Variants in XRCC4 observed in about 807,000 individuals in gnomAD.
XRCC4 encodes the protein X-ray repair cross complementing 4.
Under a neutral mutation model 39.1 loss-of-function variants are expected in XRCC4, and 28 were observed. The ratio of observed to expected loss-of-function variants is 0.72; its 90% CI spans 0.53 to 0.98. The LOEUF (loss-of-function observed/expected upper bound fraction) is 0.98. Among genes scored for constraint, XRCC4 ranks in the 50% least tolerant of loss-of-function variants. The probability of loss-of-function intolerance (pLI) is 0.00; values close to 1 mark genes in which losing one functional copy is unlikely to be tolerated. For synonymous variants in XRCC4, 123 were observed against 126.4 expected (o/e 0.97, Z 0.18); for missense variants, 350 against 376.4 (o/e 0.93, Z 0.58).
At chr5:83,301,471 T>C (rs1166856401) in intron 7 of XRCC4, among the ~76,000 whole-genome samples, 1 of 152,244 alleles carries the variant, frequency 6.6e-6, no homozygotes, top group Non-Finnish European at 1.5e-5. Flanking sequence ...ATTCTGGATA[T>C]CAGACCTTTG....
chr5:83,134,800 G>A (rs148802527), intron 3 of XRCC4, among the ~76,000 whole-genome samples: 2,396 of 152,164 alleles, frequency 0.016, 61 homozygotes, highest in African/African-American at 0.053. Flanking sequence ...CACTCACTGC[G>A]AAGTTCTGCA....
At chr5:83,352,271 G>A (rs977572854) in intron 7 of XRCC4, among the ~76,000 whole-genome samples, 1 of 152,072 alleles carries the variant, frequency 6.6e-6, no homozygotes, top group Admixed American at 6.6e-5. Flanking sequence ...AGTATTACTG[G>A]GTTAGCTCAA....
intron 3 of XRCC4, among the ~76,000 whole-genome samples, chr5:83,165,782 T>TG (rs1749437678): frequency 6.6e-6 from 1 of 152,176 alleles, no homozygotes; most frequent in African/African-American, 2.4e-5. Flanking sequence ...TTATGGCCTC[T>TG]GCTTCCATCC....
At chr5:83,256,297 C>T (rs1043447501) in intron 6 of XRCC4, among the ~76,000 whole-genome samples, 4 of 152,132 alleles carry the variant, frequency 2.6e-5, no homozygotes, top group African/African-American at 9.7e-5. Flanking sequence ...AAGTTGCAGA[C>T]ATTATAATAC....
intron 3 of XRCC4, among the ~76,000 whole-genome samples, chr5:83,122,491 C>A (rs1325533045): frequency 6.6e-6 from 1 of 152,128 alleles, no homozygotes; most frequent in African/African-American, 2.4e-5. Flanking sequence ...CAAAAATTAT[C>A]TGATCCAGAA....
intron 1 of XRCC4, among the ~76,000 whole-genome samples, chr5:83,086,160 G>T (rs1206996720): frequency 6.6e-6 from 1 of 152,126 alleles, no homozygotes; most frequent in East Asian, 1.9e-4. Context: ...TCATAATATT[G>T]TATGAGTTCT....
At chr5:83,318,306 G>GC (rs1313108925) in intron 7 of XRCC4, among the ~76,000 whole-genome samples, 2 of 130,342 alleles carry the variant, frequency 1.5e-5, no homozygotes, top group African/African-American at 7.2e-5. Context: ...AGACAGGGAT[G>GC]CCCTCTCTCA....
At chr5:83,340,120 C>T (rs138815351) in intron 7 of XRCC4, among the ~76,000 whole-genome samples, 271 of 152,316 alleles carry the variant, frequency 1.8e-3, no homozygotes, top group African/African-American at 6.2e-3. Flanking sequence ...GCAGATCCCT[C>T]TTCCAACCAG....
At chr5:83,274,728 A>C (rs1174774878) in intron 7 of XRCC4, among the ~76,000 whole-genome samples, 1 of 152,218 alleles carries the variant, frequency 6.6e-6, no homozygotes, top group South Asian at 2.1e-4. Flanking sequence ...AAAGGCCCTC[A>C]GGTGAGCAAA....
the XRCC4 span, among the ~76,000 whole-genome samples, chr5:83,371,598 A>G: frequency 6.6e-6 from 1 of 152,186 alleles, no homozygotes; most frequent in Non-Finnish European, 1.5e-5. Flanking sequence ...ATGGTCTATG[A>G]CCACAGCAGG....
intron 7 of XRCC4, among the ~76,000 whole-genome samples, chr5:83,340,635 A>G (rs182225821): frequency 1.8e-3 from 272 of 152,008 alleles, no homozygotes; most frequent in African/African-American, 6.2e-3. Flanking sequence ...AAAAAACAAC[A>G]AAACAGAAAC....
chr5:83,301,609 T>C (rs1204925284), intron 7 of XRCC4, among the ~76,000 whole-genome samples: 1 of 152,236 alleles, frequency 6.6e-6, no homozygotes, highest in East Asian at 1.9e-4. Context: ...TTGGCTTTTG[T>C]TGCAATTGCT....
intron 1 of XRCC4, among the ~76,000 whole-genome samples, chr5:83,098,551 A>G (rs2112346442): frequency 6.6e-6 from 1 of 152,264 alleles, no homozygotes; most frequent in African/African-American, 2.4e-5. Flanking sequence ...ATGTTTAGAA[A>G]AAAATCTAAC....
intron 6 of XRCC4, among the ~76,000 whole-genome samples, chr5:83,254,330 A>T (rs1372724070): frequency 6.6e-6 from 1 of 151,970 alleles, no homozygotes; most frequent in Admixed American, 6.6e-5. Flanking sequence ...TGCTGCCCAT[A>T]TTTATCCTGT....
intron 3 of XRCC4, among the ~76,000 whole-genome samples, chr5:83,116,623 T>C (rs1209279553): frequency 7.3e-6 from 1 of 136,520 alleles, no homozygotes; most frequent in Non-Finnish European, 1.6e-5. Context: ...TTTTTTTTTT[T>C]TTTTTTTTTT....
chr5:83,082,575 A>G (rs1744994965), intron 1 of XRCC4, among the ~76,000 whole-genome samples: 1 of 152,226 alleles, frequency 6.6e-6, no homozygotes, highest in Admixed American at 6.5e-5. Context: ...TTCGTGAATC[A>G]TTTGATTCAT....
At chr5:83,107,714 G>A (rs1746265306) in intron 2 of XRCC4, among the ~76,000 whole-genome samples, 1 of 151,838 alleles carries the variant, frequency 6.6e-6, no homozygotes, top group African/African-American at 2.4e-5. Context: ...GTAGTTTGAA[G>A]TTTATTAAAG....
intron 7 of XRCC4, 109 bp downstream of exon 7, chr5:83,258,786 G>C (rs1014410309): frequency 7.9e-7 from 1 of 1,258,280 alleles, no homozygotes; most frequent in Non-Finnish European, 1.1e-6. Flanking sequence ...TTATTTTTAA[G>C]AAAATGTCAT....
At chr5:83,285,326 G>C (rs1754696340) in intron 7 of XRCC4, among the ~76,000 whole-genome samples, 1 of 152,040 alleles carries the variant, frequency 6.6e-6, no homozygotes, top group African/African-American at 2.4e-5. Flanking sequence ...TTCAAAGGGG[G>C]TTCTAGCCTT....
Sources: allele counts gnomAD v4.1 joint callset (sites outside exome capture counted in the v4.1 genomes callset), GRCh38; gene constraint gnomAD v4.1.1; transcripts MANE v1.5; gene names NCBI Gene and HGNC (gene_info 2026-07-23, HGNC 2026-07-21).